The following MYO9A variants were observed in gnomAD, a reference collection of about 807,000 sequenced individuals.
MYO9A encodes myosin IXA, also known as unconventional myosin-IXa.
In MYO9A, 103 loss-of-function variants were observed where a neutral mutation model predicts 293.3. The ratio of observed to expected loss-of-function variants is 0.35; its 90% CI spans 0.30 to 0.41. The LOEUF (loss-of-function observed/expected upper bound fraction) is 0.41. MYO9A is among the 10% of genes least tolerant of loss of function. The pLI, the probability that MYO9A is intolerant of heterozygous loss-of-function variation, is 1.00. For synonymous variants in MYO9A, 1,001 were observed against 1,035.7 expected, an observed-to-expected ratio of 0.97 and a Z score of 0.64; for missense variants, 2,685 against 3,033.0, an observed-to-expected ratio of 0.89 and a Z score of 2.69.
intron 1 of MYO9A, chr15:72,117,294 CA>C (rs2081024431): frequency 6.6e-6 from 1 of 152,528 alleles, no homozygotes; most frequent in Non-Finnish European, 1.5e-5. Flanking sequence ...ATGGGGGACG[CA>C]ATGGGTTAGG....
chr15:71,835,225 T>G (rs143997418), intron 39 of MYO9A, among the ~76,000 whole-genome samples: 2,051 of 152,254 alleles, frequency 0.013, 31 homozygotes, highest in African/African-American at 0.023. Flanking sequence ...AGCTTTTCCT[T>G]TGGGGCTGGG....
chr15:71,880,436 T>C lies in MYO9A; in HGVS notation c.5521A>G (p.Ser1841Gly), dbSNP rs1401323629. The C allele has an allele frequency of 6.2e-7, 1 of 1,614,228 alleles. No individual in the cohort carries two copies. Among genetic ancestry groups the C allele is most frequent in the East Asian group, 2.2e-5 (1 of 44,872 alleles). Reference sequence around the variant, plus strand: ...TGCATAGAATCCAAAGCCACGTTGCTAATCTTCACACTTCGCTTGCGCTTA... The same window carrying C: ...TGCATAGAATCCAAAGCCACGTTGCCAATCTTCACACTTCGCTTGCGCTTA... ...KAKRKRSVKI[S>G]NVALDSMHWQ... is the part of the protein sequence containing the mutation. The change falls in exon 29 of 42, where the codon AGC (serine) becomes GGC (glycine). Residue 1841 changes from serine (S) to glycine (G), a missense_variant. Physicochemically the swap from Ser to Gly is moderately conservative, Grantham distance 56. Coordinates refer to ENST00000356056, the MANE Select transcript of MYO9A (RefSeq NM_006901.4).
In MYO9A at chr15:71,910,116, G is replaced by A. The variant is rs543816114; in HGVS notation, c.2686-5110C>T. ...TATATATATACGTATATATATACGT[G>A]TATATATACACGTGTATATATATAT... On this transcript the variant is annotated intron_variant, in intron 19 of 41. Coordinates refer to ENST00000356056, the MANE Select transcript of MYO9A (RefSeq NM_006901.4). Among the ~76,000 whole-genome samples the A allele has an allele frequency of 2.0e-3, 270 of 136,324 alleles. 1 individual carries two copies. Among genetic ancestry groups the A allele is most frequent in the African/African-American group, 6.5e-3 (243 of 37,326 alleles). 89.4% of individuals were successfully genotyped at this position (136,324 alleles called of 152,430 possible).
Position 71,888,075 on chromosome 15 carries a change from A to G in MYO9A, c.5184T>C (p.Leu1728=). The change falls in exon 27 of 42, where the codon CTT becomes CTC. Residue 1728 remains leucine (L), a synonymous_variant. Coordinates refer to ENST00000356056, the MANE Select transcript of MYO9A (RefSeq NM_006901.4). ...TCTCTCCTTGAGACATAGTCTTATG[A>G]AGTTTTGCTTGTTCATCAACTGACG... ...RFSSVDEQAK[L]HKTMSQGEIT... 6.2e-7 allele frequency: 1 copy of G among 1,610,794 alleles called. No homozygotes were observed. Among genetic ancestry groups the G allele is most frequent in the Admixed American group, 1.7e-5 (1 of 59,616 alleles).
intron 5 of MYO9A, among the ~76,000 whole-genome samples, chr15:72,019,656 A>G (rs2077443483): frequency 6.6e-6 from 1 of 152,224 alleles, no homozygotes; most frequent in Non-Finnish European, 1.5e-5. Flanking sequence ...ATACAAAGTC[A>G]TTAGTTTATA....
chr15:71,911,934 T>C (rs542772953), intron 19 of MYO9A, among the ~76,000 whole-genome samples: 131 of 152,350 alleles, frequency 8.6e-4, no homozygotes, highest in Admixed American at 1.4e-3. Flanking sequence ...TACCATGTTG[T>C]TACTTGTTTC....
At chr15:71,862,232 GAAGT>G (rs2056165674) in intron 33 of MYO9A, among the ~76,000 whole-genome samples, 2 of 152,172 alleles carry the variant, frequency 1.3e-5, no homozygotes, top group South Asian at 4.1e-4. Context: ...GTGTAGGCAT[GAAGT>G]AATTGAAATA....
At position 71,866,312 on chromosome 15, in the gene MYO9A, G is replaced by GAT. The variant is rs1467653174; in HGVS notation, c.5980-3703_5980-3702dup. On this transcript the variant is annotated intron_variant, in intron 32 of 41. Transcript: ENST00000356056. ...GTTTATAAATGATCTAGTACAAAAGGATATATGTTATACTGTTAACTATAG... is the reference window on the plus strand; with the variant it reads ...GTTTATAAATGATCTAGTACAAAAGGATATATATGTTATACTGTTAACTATAG... Among the ~76,000 whole-genome samples, 4 of 152,184 alleles carry GAT rather than the reference G, an allele frequency of 2.6e-5. No individual in the cohort carries two copies. The East Asian group carries it at 7.7e-4, about 29-fold the overall frequency.
intron 19 of MYO9A, among the ~76,000 whole-genome samples, chr15:71,906,553 C>T (rs879636465): frequency 6.6e-6 from 1 of 151,914 alleles, no homozygotes; most frequent in Non-Finnish European, 1.5e-5. Context: ...AAATTATCTC[C>T]CTTTATCCTT....
At chr15:71,989,394 C>T (rs188455275) in intron 11 of MYO9A, among the ~76,000 whole-genome samples, 9 of 152,260 alleles carry the variant, frequency 5.9e-5, no homozygotes, top group Admixed American at 1.3e-4. Flanking sequence ...TCCATATCCT[C>T]GAGGGATTGG....
intron 1 of MYO9A, among the ~76,000 whole-genome samples, chr15:72,107,113 G>T (rs1181042912): frequency 3.3e-5 from 5 of 152,108 alleles, no homozygotes; most frequent in Non-Finnish European, 2.9e-5. Flanking sequence ...GAAGAGTAGG[G>T]AGAAGAGAAG....
chr15:71,932,093 G>C (rs528235510), intron 18 of MYO9A, among the ~76,000 whole-genome samples: 1 of 152,314 alleles, frequency 6.6e-6, no homozygotes, highest in East Asian at 1.9e-4. Flanking sequence ...CAAAACATTT[G>C]AGAGAGAAGT....
At chr15:71,879,903 G>T in intron 29 of MYO9A, 66 bp from the exon 30 acceptor site, 2 of 1,074,860 alleles carry the variant, frequency 1.9e-6, no homozygotes, top group Non-Finnish European at 1.4e-6. Flanking sequence ...TACAACAGTA[G>T]GCATGTATTG....
chr15:71,948,272 T>C (rs960325903), intron 15 of MYO9A, among the ~76,000 whole-genome samples: 2 of 152,204 alleles, frequency 1.3e-5, no homozygotes, highest in African/African-American at 4.8e-5. Flanking sequence ...TGTGTAGTCA[T>C]TTATATTTTT....
At chr15:71,908,695 G>A (rs535553449) in intron 19 of MYO9A, among the ~76,000 whole-genome samples, 5 of 152,134 alleles carry the variant, frequency 3.3e-5, no homozygotes, top group African/African-American at 1.2e-4. Flanking sequence ...ACCCTCACAT[G>A]CACAATTTCC....
intron 32 of MYO9A, among the ~76,000 whole-genome samples, chr15:71,874,085 T>C (rs1252895196): frequency 6.6e-6 from 1 of 152,206 alleles, no homozygotes; most frequent in Non-Finnish European, 1.5e-5. Context: ...GTATACTACT[T>C]TCAAAATTCT....
intron 5 of MYO9A, 83 bp from the exon 6 acceptor site, chr15:72,019,178 T>C: frequency 3.6e-6 from 4 of 1,120,442 alleles, no homozygotes; most frequent in Non-Finnish European, 5.4e-6. Context: ...GTGCAAGTAG[T>C]ACTGCTGCTC....
intron 32 of MYO9A, among the ~76,000 whole-genome samples, chr15:71,873,668 A>C (rs2056593331): frequency 6.6e-6 from 1 of 152,176 alleles, no homozygotes; most frequent in Admixed American, 6.5e-5. Flanking sequence ...ACTTCACTTT[A>C]ATTTGACTGC....
chr15:72,022,272 A>G (rs975526524), intron 4 of MYO9A, among the ~76,000 whole-genome samples: 6 of 152,120 alleles, frequency 3.9e-5, no homozygotes, highest in African/African-American at 1.4e-4. Flanking sequence ...CTGTAATCCC[A>G]GCACTTTGGG....
Sources: allele counts gnomAD v4.1 joint callset (sites outside exome capture counted in the v4.1 genomes callset), GRCh38; gene constraint gnomAD v4.1.1; transcripts MANE v1.5; gene names NCBI Gene and HGNC (gene_info 2026-07-23, HGNC 2026-07-21).